The following RGS6 variants were observed in gnomAD, a reference collection of about 807,000 sequenced individuals.
RGS6 encodes the protein regulator of G protein signaling 6.
A neutral mutation model predicts 78.5 loss-of-function variants in RGS6; 30 were observed. The observed-to-expected ratio is 0.38, with a 90% CI of 0.29 to 0.52. The LOEUF is 0.52. Ranked by LOEUF, RGS6 falls within the 20% of genes least tolerant of loss-of-function variation. The pLI is 0.85. For synonymous variants in RGS6, 206 were observed against 206.0 expected (o/e 1.00, Z 0.00); for missense variants, 495 against 609.7 (o/e 0.81, Z 1.98).
At chr14:72,211,092 A>C (rs1267775704) in intron 2 of RGS6, among the ~76,000 whole-genome samples, 1 of 152,206 alleles carries the variant, frequency 6.6e-6, no homozygotes. Flanking sequence ...ATTCAGACAA[A>C]TATATGTGAA....
At chr14:72,298,694 C>T (rs563323043) in intron 2 of RGS6, among the ~76,000 whole-genome samples, 23 of 152,112 alleles carry the variant, frequency 1.5e-4, no homozygotes, top group African/African-American at 2.2e-4. Context: ...GTGGTCCACC[C>T]GCCTCGGCCT....
chr14:72,163,444 G>A (rs1189457092), intron 2 of RGS6, among the ~76,000 whole-genome samples: 2 of 152,180 alleles, frequency 1.3e-5, no homozygotes, highest in Admixed American at 6.5e-5. Flanking sequence ...AAATTTTGAG[G>A]CAGGTACCGG....
intron 2 of RGS6, among the ~76,000 whole-genome samples, chr14:72,213,021 T>A (rs1265063349): frequency 6.6e-6 from 1 of 151,940 alleles, no homozygotes; most frequent in African/African-American, 2.4e-5. Context: ...GGTAAAGGAG[T>A]CAAGTGGGAA....
At chr14:72,325,038 G>A (rs1301244551) in intron 2 of RGS6, among the ~76,000 whole-genome samples, 1 of 152,094 alleles carries the variant, frequency 6.6e-6, no homozygotes, top group Non-Finnish European at 1.5e-5. Context: ...ACTTTTTAAT[G>A]GTCGCCATTT....
chr14:71,904,203 C>T, the RGS6 span, among the ~76,000 whole-genome samples: 2 of 152,184 alleles, frequency 1.3e-5, no homozygotes, highest in African/African-American at 2.4e-5. Flanking sequence ...ATCTCCCCTT[C>T]CCCACTGTGC....
At chr14:72,265,338 G>C (rs775870404) in intron 2 of RGS6, among the ~76,000 whole-genome samples, 10 of 152,142 alleles carry the variant, frequency 6.6e-5, no homozygotes, top group Non-Finnish European at 1.5e-4. Flanking sequence ...TTGACCCTGT[G>C]TCTCTCTCCT....
At chr14:72,039,812 G>GATT (rs1356764838) in intron 2 of RGS6, among the ~76,000 whole-genome samples, 1 of 21,484 alleles carries the variant, frequency 4.7e-5, no homozygotes, top group Non-Finnish European at 8.8e-5. Context: ...GTGTTTCATT[G>GATT]ATTTTTTTTT....
intron 3 of RGS6, among the ~76,000 whole-genome samples, chr14:72,387,552 C>CAA (rs754762069): frequency 2.9e-5 from 3 of 103,260 alleles, no homozygotes; most frequent in Non-Finnish European, 6.2e-5. Flanking sequence ...CCATCTCAAA[C>CAA]AAAAAAAAAA....
intron 3 of RGS6, among the ~76,000 whole-genome samples, chr14:72,379,385 C>T (rs1290917237): frequency 6.6e-6 from 1 of 152,010 alleles, no homozygotes; most frequent in Non-Finnish European, 1.5e-5. Flanking sequence ...AGGAGGAAAT[C>T]AAATTGTCTC....
chr14:72,034,384 G>T (rs1393079324), intron 2 of RGS6, among the ~76,000 whole-genome samples: 1 of 139,606 alleles, frequency 7.2e-6, no homozygotes, highest in Non-Finnish European at 1.5e-5. Context: ...TCATGAAAGG[G>T]TATTGAATTC....
chr14:71,960,547 GGAGA>G (rs1409277068), intron 1 of RGS6, among the ~76,000 whole-genome samples: 12 of 152,296 alleles, frequency 7.9e-5, no homozygotes, highest in African/African-American at 2.4e-4. Flanking sequence ...TAGGTGCCAG[GGAGA>G]GAGGGGTGAA....
intron 2 of RGS6, among the ~76,000 whole-genome samples, chr14:72,254,022 A>T (rs1475454837): frequency 2.0e-5 from 3 of 152,162 alleles, no homozygotes; most frequent in Non-Finnish European, 2.9e-5. Context: ...CGATGACAGA[A>T]TTTACTTAAC....
chr14:72,185,767 G>A (rs1211830522), intron 2 of RGS6, among the ~76,000 whole-genome samples: 4 of 152,234 alleles, frequency 2.6e-5, no homozygotes, highest in South Asian at 2.1e-4. Context: ...AACATGGGGA[G>A]ACCCCATCTC....
chr14:72,165,364 A>G (rs2096910583), intron 2 of RGS6, among the ~76,000 whole-genome samples: 1 of 152,236 alleles, frequency 6.6e-6, no homozygotes, highest in Non-Finnish European at 1.5e-5. Context: ...CAGTAGTTGC[A>G]TCATCATGAG....
intron 2 of RGS6, among the ~76,000 whole-genome samples, chr14:72,011,749 C>T (rs1489388197): frequency 6.6e-6 from 1 of 151,990 alleles, no homozygotes; most frequent in Admixed American, 6.6e-5. Context: ...ATATAAGAGA[C>T]TTGAGCATCT....
chr14:72,434,972 T>C (rs887190012), intron 3 of RGS6, among the ~76,000 whole-genome samples: 5 of 152,188 alleles, frequency 3.3e-5, no homozygotes, highest in Non-Finnish European at 7.3e-5. Flanking sequence ...AGAAAAATTT[T>C]AGAGACCAAA....
At chr14:72,486,527 A>G (rs1256548390) in intron 12 of RGS6, among the ~76,000 whole-genome samples, 1 of 152,144 alleles carries the variant, frequency 6.6e-6, no homozygotes, top group Non-Finnish European at 1.5e-5. Flanking sequence ...AGTACTCACC[A>G]TCCAGAATCC....
intron 2 of RGS6, among the ~76,000 whole-genome samples, chr14:72,279,572 C>T (rs1431936063): frequency 6.6e-6 from 1 of 152,116 alleles, no homozygotes; most frequent in African/African-American, 2.4e-5. Context: ...TACAAAGCCA[C>T]CACAGACTCT....
intron 17 of RGS6, among the ~76,000 whole-genome samples, chr14:72,559,765 C>G (rs1322227416): frequency 6.6e-6 from 1 of 152,134 alleles, no homozygotes; most frequent in Non-Finnish European, 1.5e-5. Context: ...GGCCACAGGT[C>G]CTTGGAGTCA....
Sources: gnomAD v4.1 joint callset for allele counts (sites outside exome capture counted in the v4.1 genomes callset) on GRCh38, gnomAD v4.1.1 for gene constraint, MANE v1.5 for transcripts, NCBI Gene and HGNC (gene_info 2026-07-23, HGNC 2026-07-21) for gene names.